PHF20: variants seen among roughly 807,000 people sequenced by gnomAD.
The protein encoded by PHF20 is glioma-expressed antigen 2.
In PHF20, 23 loss-of-function variants were observed where a neutral mutation model predicts 113.5. That is an observed-to-expected ratio of 0.20 (90% CI 0.15 to 0.29). The LOEUF (loss-of-function observed/expected upper bound fraction) is 0.29, where lower values mean the gene tolerates loss of function less well. PHF20 is among the 10% of genes least tolerant of loss of function. The pLI, the probability that PHF20 is intolerant of heterozygous loss-of-function variation, is 1.00. For synonymous variants in PHF20, 434 were observed against 457.3 expected (o/e 0.95, Z 0.65); for missense variants, 943 against 1,219.6 (o/e 0.77, Z 3.38).
intron 2 of PHF20, among the ~76,000 whole-genome samples, chr20:35,824,605 CAA>C (rs149254794): frequency 4.5e-5 from 5 of 111,014 alleles, no homozygotes; most frequent in Admixed American, 1.9e-4. Flanking sequence ...GACTCTGTCT[CAA>C]AAAAAAAAAA....
intron 2 of PHF20, among the ~76,000 whole-genome samples, chr20:35,835,164 A>G (rs910807952): frequency 1.3e-5 from 2 of 152,034 alleles, no homozygotes; most frequent in African/African-American, 4.8e-5. Flanking sequence ...AGTCCTAGCT[A>G]CTCAGGAGGC....
At chr20:35,813,610 A>C (rs1220842133) in intron 2 of PHF20, among the ~76,000 whole-genome samples, 1 of 152,176 alleles carries the variant, frequency 6.6e-6, no homozygotes, top group Non-Finnish European at 1.5e-5. Context: ...CTGTAATCCC[A>C]GCACTTTGGG....
In PHF20 at chr20:35,931,296, A is replaced by G; in HGVS notation, c.2152A>G (p.Arg718Gly). ...KYWYDKEWLS[R>G]GHMHGLAFLE... ...CTGGTATGACAAGGAGTGGCTGAGC[A>G]GGGGACATATGCATGGCCTGGCATT... is the stretch of plus-strand genomic sequence containing the variant. Residue 718 changes from arginine to glycine, a missense_variant, in exon 15 of 18, where the codon AGG becomes GGG. Physicochemically the swap from Arg to Gly is moderately radical, Grantham distance 125 (BLOSUM62 -2). This residue lies in a region of PHF20 where 349 missense variants were observed against 412.3 expected (regional missense o/e 0.85). Coordinates refer to ENST00000374012, the MANE Select transcript of PHF20 (RefSeq NM_016436.5). The G allele has an allele frequency of 6.2e-7, 1 of 1,614,050 alleles. No individual in the cohort carries two copies. The highest frequency in any genetic ancestry group is 8.5e-7 in the Non-Finnish European group (1 of 1,179,962).
chr20:35,938,080 G>C (rs1055141901), intron 15 of PHF20, among the ~76,000 whole-genome samples: 2 of 152,026 alleles, frequency 1.3e-5, no homozygotes, highest in Non-Finnish European at 2.9e-5. Context: ...CACCGTGTTA[G>C]CCAGGATGGT....
intron 12 of PHF20, among the ~76,000 whole-genome samples, chr20:35,916,880 G>A (rs1400270387): frequency 6.6e-6 from 1 of 152,170 alleles, no homozygotes; most frequent in Non-Finnish European, 1.5e-5. Context: ...TCCTGCCTCA[G>A]CCTCCTCAGT....
intron 14 of PHF20, among the ~76,000 whole-genome samples, chr20:35,929,887 A>G (rs1252092557): frequency 6.6e-6 from 1 of 152,266 alleles, no homozygotes; most frequent in East Asian, 1.9e-4. Flanking sequence ...AACAGAATCA[A>G]GGTGTATCCC....
At chr20:35,789,538 C>T (rs6142445) in intron 1 of PHF20, among the ~76,000 whole-genome samples, 150,239 of 152,162 alleles carry the variant, frequency 0.99, 74,197 homozygotes, top group Middle Eastern at 1. Flanking sequence ...AGTAATAACC[C>T]TTTTTTCTTT....
chr20:35,942,979 AGG>A (rs1801194115), intron 17 of PHF20, among the ~76,000 whole-genome samples: 2 of 152,218 alleles, frequency 1.3e-5, no homozygotes, highest in South Asian at 4.1e-4. Context: ...GCCCGCCACC[AGG>A]CCCGGCTAAT....
chr20:35,839,693 A>G (rs889229049), intron 2 of PHF20, among the ~76,000 whole-genome samples: 4 of 152,182 alleles, frequency 2.6e-5, no homozygotes, highest in Admixed American at 2.6e-4. Flanking sequence ...GACTAGTTTC[A>G]GGGCTGTTTA....
intron 9 of PHF20, among the ~76,000 whole-genome samples, chr20:35,874,785 A>G (rs1351248019): frequency 1.3e-5 from 2 of 151,946 alleles, no homozygotes; most frequent in Admixed American, 1.3e-4. Context: ...GCCAGATGCT[A>G]TATAGTTAAC....
At chr20:35,806,957 G>C (rs981999466) in intron 2 of PHF20, among the ~76,000 whole-genome samples, 38 of 151,920 alleles carry the variant, frequency 2.5e-4, no homozygotes, top group Non-Finnish European at 4.9e-4. Flanking sequence ...CACCACGCCC[G>C]GCTAATTTTT....
At chr20:35,858,153 A>G (rs570992412) in intron 4 of PHF20, 149 bp from the exon 5 acceptor site, 1 of 420,296 alleles carries the variant, frequency 2.4e-6, no homozygotes, top group East Asian at 3.5e-5. Context: ...GTTATCTTGG[A>G]CATAAGTAAG....
chr20:35,837,449 C>G (rs1044816882), intron 2 of PHF20, among the ~76,000 whole-genome samples: 3 of 152,170 alleles, frequency 2.0e-5, no homozygotes, highest in Non-Finnish European at 4.4e-5. Flanking sequence ...ATCAGTGGCT[C>G]TTAGTTACAC....
intron 4 of PHF20, among the ~76,000 whole-genome samples, chr20:35,857,806 G>GA (rs2146963538): frequency 6.6e-6 from 1 of 151,968 alleles, no homozygotes; most frequent in South Asian, 2.1e-4. Flanking sequence ...GGCTGGTCTC[G>GA]AACTCCTGAC....
rs1402438096 is a variant in PHF20 at position 35,879,929 on chromosome 20, TA to T, written c.1282+8102del. On this transcript the variant is annotated intron_variant, in intron 9 of 17. Transcript: ENST00000374012. ...GATTGAGCCCAGGAGGTCAAAGCTA[TA>T]ATAAGCCATGATCATGGCAACACTG... Among the ~76,000 whole-genome samples the T allele has an allele frequency of 7.2e-5, 11 of 151,828 alleles. No homozygotes were observed. In the South Asian group the frequency reaches 2.3e-3, roughly 32 times the overall value.
At chr20:35,841,134 C>T (rs909271422) in intron 2 of PHF20, among the ~76,000 whole-genome samples, 1 of 151,930 alleles carries the variant, frequency 6.6e-6, no homozygotes, top group African/African-American at 2.4e-5. Context: ...AGCTTGAGCC[C>T]AGGAGTTTGA....
chr20:35,842,616 G>C lies in PHF20; in HGVS notation c.127G>C (p.Val43Leu), dbSNP rs768233756. The change falls in exon 3 of 18, where the codon GTA (valine) becomes CTA (leucine). Residue 43 changes from valine (V) to leucine (L), a missense_variant. Val to Leu is a conservative substitution (Grantham distance 32). Around this residue, in one of 3 missense-constraint regions of PHF20, gnomAD observed 592 missense variants for 787.2 expected, o/e 0.75. Transcript: ENST00000374012. ...AGACATTGACTACGAGGAAGGAAAA[G>C]TACTCATCCATTTCAAGCGTTGGAA... ...IEDIDYEEGK[V>L]LIHFKRWNHR... is the part of the protein sequence containing the mutation. 1 of 1,613,914 alleles carries C rather than the reference G, an allele frequency of 6.2e-7. No individual in the cohort carries two copies. Among genetic ancestry groups the C allele is most frequent in the Non-Finnish European group, 8.5e-7 (1 of 1,179,948 alleles).
chr20:35,872,918 T>C (rs1300988579), intron 9 of PHF20, among the ~76,000 whole-genome samples: 1 of 152,194 alleles, frequency 6.6e-6, no homozygotes, highest in Non-Finnish European at 1.5e-5. Flanking sequence ...AGGTAGTTGA[T>C]GGTGTTTCTC....
chr20:35,906,821 G>A (rs1375140597), intron 10 of PHF20, among the ~76,000 whole-genome samples: 1 of 152,150 alleles, frequency 6.6e-6, no homozygotes, highest in Non-Finnish European at 1.5e-5. Flanking sequence ...GTTGGGAAGG[G>A]CACTGCAGCC....
Sources: allele counts gnomAD v4.1 joint callset (sites outside exome capture counted in the v4.1 genomes callset), GRCh38; gene constraint gnomAD v4.1.1; regional missense constraint gnomAD v4.1.1; transcripts MANE v1.5; gene names NCBI Gene and HGNC (gene_info 2026-07-23, HGNC 2026-07-21).